ATAD2B: variants seen among roughly 807,000 people sequenced by gnomAD.
The protein encoded by ATAD2B is ATPase family AAA domain-containing protein 2B.
ATAD2B carries 40 observed loss-of-function variants against 167.6 expected under a neutral mutation model. The ratio of observed to expected loss-of-function variants is 0.24; its 90% CI spans 0.19 to 0.31. The LOEUF (loss-of-function observed/expected upper bound fraction) is 0.31. Ranked by LOEUF, ATAD2B falls within the 10% of genes least tolerant of loss-of-function variation. The pLI, the probability that ATAD2B is intolerant of heterozygous loss-of-function variation, is 1.00. For synonymous variants in ATAD2B, 579 were observed against 596.5 expected (o/e 0.97, Z 0.43); for missense variants, 1,242 against 1,757.2 (o/e 0.71, Z 5.24).
chr2:23,905,689 C>CT (rs997002269), intron 1 of ATAD2B, among the ~76,000 whole-genome samples: 5 of 152,238 alleles, frequency 3.3e-5, no homozygotes, highest in Admixed American at 3.3e-4. Flanking sequence ...TACCTACTGC[C>CT]TCACAGTAGA....
rs775741031 is a variant in ATAD2B at position 23,823,120 on chromosome 2, T to C, written c.2131+138A>G. 3.7e-5 allele frequency: 28 copies of C among 753,750 alleles called. No individual in the cohort carries two copies. The South Asian group carries it at 5.2e-4, about 14-fold the overall frequency. 46.7% of individuals were successfully genotyped at this position (753,750 alleles called of 1,614,324 possible). On this transcript the variant is annotated intron_variant, in intron 16 of 27. Transcript: ENST00000238789. ...GGCAACTACCATATGCCAGGCAATA[T>C]GCCAGGCCTGGAATATATAGTACTG...
At chr2:23,808,514 T>C (rs1685018762) in intron 18 of ATAD2B, among the ~76,000 whole-genome samples, 2 of 152,038 alleles carry the variant, frequency 1.3e-5, no homozygotes, top group African/African-American at 4.8e-5. Flanking sequence ...GCTATTTCAA[T>C]TGGGACCTCT....
chr2:23,753,910 T>G (rs906660162), intron 27 of ATAD2B, among the ~76,000 whole-genome samples: 1 of 152,054 alleles, frequency 6.6e-6, no homozygotes, highest in Non-Finnish European at 1.5e-5. Flanking sequence ...ACATACTATT[T>G]CTGTATATTT....
At chr2:23,836,680 A>G (rs1690034618) in intron 13 of ATAD2B, among the ~76,000 whole-genome samples, 1 of 152,046 alleles carries the variant, frequency 6.6e-6, no homozygotes, top group Non-Finnish European at 1.5e-5. Flanking sequence ...AGTGTTGTTC[A>G]GCTCTCAGCA....
chr2:23,912,489 A>G (rs1702452903), intron 1 of ATAD2B, among the ~76,000 whole-genome samples: 1 of 151,780 alleles, frequency 6.6e-6, no homozygotes, highest in Non-Finnish European at 1.5e-5. Flanking sequence ...CTTGAGTGAG[A>G]GAGTGAGACC....
downstream of ATAD2B, among the ~76,000 whole-genome samples, chr2:23,745,255 CCA>C (rs1479314314): frequency 1.3e-5 from 2 of 151,882 alleles, no homozygotes; most frequent in African/African-American, 2.4e-5. Flanking sequence ...TTACTGCACT[CCA>C]GTCTGGGCAA....
the ATAD2B span, among the ~76,000 whole-genome samples, chr2:23,692,525 C>T: frequency 6.6e-6 from 1 of 152,300 alleles, no homozygotes; most frequent in South Asian, 2.1e-4. Flanking sequence ...AGAGCCCAGC[C>T]TAGAGATGGG....
rs1236177997 is a variant in ATAD2B at position 23,895,965 on chromosome 2, A to T, written c.222T>A (p.Val74=). The change falls in exon 2 of 28, where the codon GTT becomes GTA. Residue 74 remains valine, a synonymous_variant. Transcript: ENST00000238789. Reference sequence around the variant, plus strand: ...TATCACTTAAACTACCATCAACTTCAACTTTCTGAAAGACAATGTTAAAAA... The same window carrying T: ...TATCACTTAAACTACCATCAACTTCTACTTTCTGAAAGACAATGTTAAAAA... ...AGVTLDEARK[V]EVDGSLSDSH... The T allele has an allele frequency of 2.5e-6, 4 of 1,611,000 alleles. No individual in the cohort carries two copies. Among genetic ancestry groups the T allele is most frequent in the Non-Finnish European group, 3.4e-6 (4 of 1,177,878 alleles).
chr2:23,719,783 C>T, the ATAD2B span, among the ~76,000 whole-genome samples: 1 of 152,208 alleles, frequency 6.6e-6, no homozygotes, highest in African/African-American at 2.4e-5. Flanking sequence ...GAAAGCATCA[C>T]AAGTACCTAA....
rs766190085 is a variant in ATAD2B at position 23,810,511 on chromosome 2, C to T, written c.2268-9G>A. On this transcript the variant is annotated splice_polypyrimidine_tract_variant and intron_variant, in intron 17 of 27. Coordinates refer to ENST00000238789, the MANE Select transcript of ATAD2B (RefSeq NM_017552.4). Reference sequence around the variant, plus strand: ...GCTGATGATATGGTGACCTGTAATACATGTAAGACATAATTATTTCAAAGG... The same window carrying T: ...GCTGATGATATGGTGACCTGTAATATATGTAAGACATAATTATTTCAAAGG... 6.2e-7 allele frequency: 1 copy of T among 1,601,594 alleles called. No individual in the cohort carries two copies. Among genetic ancestry groups the T allele is most frequent in the Non-Finnish European group, 8.5e-7 (1 of 1,170,558 alleles).
intron 1 of ATAD2B, among the ~76,000 whole-genome samples, chr2:23,915,586 CTTTTTTTTTT>C (rs869032768): frequency 1.5e-5 from 1 of 65,238 alleles, no homozygotes; most frequent in Non-Finnish European, 2.7e-5. Context: ...ACTACCGATT[CTTTTTTTTTT>C]TTTTTTTTTT....
At chr2:23,740,422 A>C in the ATAD2B span, among the ~76,000 whole-genome samples, 2 of 151,748 alleles carry the variant, frequency 1.3e-5, no homozygotes, top group Non-Finnish European at 2.9e-5. Context: ...AATGTAATCC[A>C]GCATATAAAC....
At chr2:23,729,679 TAGAG>T in the ATAD2B span, among the ~76,000 whole-genome samples, 1 of 152,064 alleles carries the variant, frequency 6.6e-6, no homozygotes, top group African/African-American at 2.4e-5. Context: ...GATGAAAGTC[TAGAG>T]GGGGAAAAAA....
At chr2:23,758,427 C>T (rs1319448794) in intron 24 of ATAD2B, among the ~76,000 whole-genome samples, 1 of 152,176 alleles carries the variant, frequency 6.6e-6, no homozygotes, top group Admixed American at 6.5e-5. Flanking sequence ...ATATAATATA[C>T]ACATTTAAAG....
rs1371472131 is a variant in ATAD2B, at chr2:23,875,907, A to G, written c.902-3T>C. 6.4e-7 allele frequency: 1 copy of G among 1,569,552 alleles called. No homozygotes were observed. The highest frequency in any genetic ancestry group is 1.1e-5 in the South Asian group (1 of 88,100). On this transcript the variant is annotated splice_polypyrimidine_tract_variant and splice_region_variant and intron_variant, in intron 7 of 27. Transcript: ENST00000238789. ...CCTCTTTTTTTGATGAGCTGGTACT[A>G]AAAGGGAAGAAAAGGATAATAGAGA...
At chr2:23,908,182 C>G (rs945647868) in intron 1 of ATAD2B, among the ~76,000 whole-genome samples, 283 of 152,134 alleles carry the variant, frequency 1.9e-3, no homozygotes, top group Non-Finnish European at 3.3e-3. Context: ...GCAAAAGAAA[C>G]GACCATCAGA....
chr2:23,757,713 A>C lies in ATAD2B; in HGVS notation c.3783T>G (p.Thr1261=), dbSNP rs963934151. 9.9e-6 allele frequency: 16 copies of C among 1,612,070 alleles called. No homozygotes were observed. In the Admixed American group the frequency reaches 2.0e-4, roughly 20 times the overall value. ...CATTTAGACAATTTCCTTTAAGGAA[A>C]GTCTCTTTCCTGGAGGTCTGCTCCG... The part of the protein sequence containing the change: ...LNPEQTSRKE[T]FLKGNCLNGE... Residue 1261 remains threonine (T), a synonymous_variant, in exon 25 of 28, where the codon ACT becomes ACG. Transcript: ENST00000238789.
chr2:23,851,276 G>C (rs1035619080), intron 13 of ATAD2B, among the ~76,000 whole-genome samples: 1 of 152,026 alleles, frequency 6.6e-6, no homozygotes, highest in Non-Finnish European at 1.5e-5. Flanking sequence ...CTCCCAAGTA[G>C]CTAGGACGAG....
intron 22 of ATAD2B, among the ~76,000 whole-genome samples, chr2:23,772,714 G>A (rs1678520489): frequency 1.3e-5 from 2 of 152,132 alleles, no homozygotes; most frequent in South Asian, 4.2e-4. Flanking sequence ...CTGCATTTGA[G>A]AGGGAACACT....
Sources: allele counts gnomAD v4.1 joint callset (sites outside exome capture counted in the v4.1 genomes callset), GRCh38; gene constraint gnomAD v4.1.1; transcripts MANE v1.5; gene names NCBI Gene and HGNC (gene_info 2026-07-23, HGNC 2026-07-21).